Variants in USP4 observed in about 807,000 individuals in gnomAD.
The protein encoded by USP4 is ubiquitin specific peptidase 4, also known as ubiquitin carboxyl-terminal hydrolase 4.
USP4 carries 72 observed loss-of-function variants against 118.2 expected under a neutral mutation model. The observed-to-expected ratio is 0.61, with a 90% CI of 0.50 to 0.74. The LOEUF (loss-of-function observed/expected upper bound fraction) is 0.74. Ranked by LOEUF, USP4 falls within the 30% of genes least tolerant of loss-of-function variation. USP4 has a pLI of 0.00. For synonymous variants in USP4, 415 were observed against 440.4 expected (o/e 0.94, Z 0.72); for missense variants, 1,037 against 1,185.7 (o/e 0.87, Z 1.84).
intron 6 of USP4, among the ~76,000 whole-genome samples, chr3:49,320,532 G>C (rs1385964642): frequency 1.3e-5 from 2 of 152,112 alleles, no homozygotes; most frequent in Non-Finnish European, 2.9e-5. Flanking sequence ...CGGTAACTTC[G>C]AACTCCTGGG....
chr3:49,319,325 C>T (rs1040266415), intron 6 of USP4, among the ~76,000 whole-genome samples: 8 of 149,642 alleles, frequency 5.3e-5, no homozygotes, highest in South Asian at 2.1e-4. Flanking sequence ...CTCGGCTGAC[C>T]GCAACCTCCG....
chr3:49,308,965 G>A (rs1365359382), intron 8 of USP4, among the ~76,000 whole-genome samples: 1 of 150,692 alleles, frequency 6.6e-6, no homozygotes, highest in African/African-American at 2.4e-5. Flanking sequence ...CCAGGAGGTG[G>A]AGGTTGCAGT....
intron 19 of USP4, among the ~76,000 whole-genome samples, chr3:49,281,480 A>C (rs865786648): frequency 2.0e-4 from 19 of 95,348 alleles, no homozygotes; most frequent in African/African-American, 7.3e-4. Flanking sequence ...GTATGTGTAT[A>C]TATATATATA....
intron 2 of USP4, among the ~76,000 whole-genome samples, chr3:49,332,088 C>T (rs775696895): frequency 4.6e-5 from 7 of 151,734 alleles, no homozygotes; most frequent in South Asian, 2.1e-4. Flanking sequence ...GGCTGGCCAA[C>T]GTGCTGAAAT....
At chr3:49,332,012 C>T (rs1308952527) in intron 2 of USP4, among the ~76,000 whole-genome samples, 4 of 151,760 alleles carry the variant, frequency 2.6e-5, no homozygotes, top group Non-Finnish European at 5.9e-5. Context: ...GTGGCTCACA[C>T]CTGTAATTCC....
intron 9 of USP4, among the ~76,000 whole-genome samples, 154 bp downstream of exon 9, chr3:49,305,561 A>G (rs2047305500): frequency 6.6e-6 from 1 of 152,002 alleles, no homozygotes; most frequent in South Asian, 2.1e-4. Context: ...GCTCACTGAA[A>G]CATTTTAGAT....
chr3:49,278,262 G>T lies in USP4; in HGVS notation c.*31C>A. ...TGTTCTCCTGGGGGATTACACTGGCGCTACAGGGTGGCAGGATCGTGGAGT... is the reference window on the plus strand; with the variant it reads ...TGTTCTCCTGGGGGATTACACTGGCTCTACAGGGTGGCAGGATCGTGGAGT... On this transcript the variant is annotated 3_prime_UTR_variant, in exon 22 of 22. Coordinates refer to ENST00000265560, the MANE Select transcript of USP4 (RefSeq NM_003363.4). The T allele has an allele frequency of 6.2e-7, 1 of 1,606,152 alleles. No homozygotes were observed. The highest frequency in any genetic ancestry group is 8.5e-7 in the Non-Finnish European group (1 of 1,176,942).
chr3:49,303,365 CA>C (rs1378136409), intron 9 of USP4, among the ~76,000 whole-genome samples: 4 of 147,576 alleles, frequency 2.7e-5, no homozygotes, highest in Non-Finnish European at 5.9e-5. Context: ...CACTTGAACC[CA>C]GGAGGCGGAG....
intron 6 of USP4, among the ~76,000 whole-genome samples, chr3:49,320,611 G>T (rs960318254): frequency 2.0e-5 from 3 of 152,132 alleles, no homozygotes; most frequent in Non-Finnish European, 4.4e-5. Context: ...TGTATCCCTG[G>T]TGTGGTTTGT....
intron 19 of USP4, among the ~76,000 whole-genome samples, chr3:49,282,433 C>T (rs1231563035): frequency 6.6e-6 from 1 of 151,402 alleles, no homozygotes; most frequent in East Asian, 2.0e-4. Context: ...CGCCACCATG[C>T]CTAGCTAATT....
At chr3:49,311,412 C>T in intron 7 of USP4, 102 bp downstream of exon 7, 3 of 1,333,446 alleles carry the variant, frequency 2.2e-6, no homozygotes, top group South Asian at 1.3e-5. Flanking sequence ...CCATGAGGAA[C>T]TCTAACCCCA....
At chr3:49,300,982 T>C (rs2047257619) in intron 10 of USP4, among the ~76,000 whole-genome samples, 1 of 152,204 alleles carries the variant, frequency 6.6e-6, no homozygotes, top group Non-Finnish European at 1.5e-5. Flanking sequence ...ATGGTCTTGC[T>C]CTGTCGCTCA....
At chr3:49,332,775 A>C (rs2047631431) in intron 2 of USP4, among the ~76,000 whole-genome samples, 1 of 152,044 alleles carries the variant, frequency 6.6e-6, no homozygotes, top group South Asian at 2.1e-4. Context: ...CACACCTGTA[A>C]TCCCAGCACT....
intron 15 of USP4, among the ~76,000 whole-genome samples, chr3:49,289,669 G>C (rs941159669): frequency 6.6e-6 from 1 of 151,936 alleles, no homozygotes; most frequent in African/African-American, 2.4e-5. Context: ...TCAGGAATTC[G>C]AGACCAGCCT....
At chr3:49,304,155 T>C (rs1306378105) in intron 9 of USP4, among the ~76,000 whole-genome samples, 1 of 152,232 alleles carries the variant, frequency 6.6e-6, no homozygotes, top group East Asian at 1.9e-4. Flanking sequence ...TAATTAGTTT[T>C]CAATTTCAAC....
chr3:49,300,120 G>T (rs556442129), intron 11 of USP4, among the ~76,000 whole-genome samples: 5 of 152,140 alleles, frequency 3.3e-5, no homozygotes, highest in African/African-American at 1.2e-4. Flanking sequence ...GGTGGTACAC[G>T]CCTGTAATCC....
intron 12 of USP4, 149 bp from the exon 13 acceptor site, chr3:49,298,113 A>C: frequency 1.6e-6 from 1 of 625,440 alleles, no homozygotes; most frequent in Admixed American, 2.8e-5. Context: ...CAGAGAGCTG[A>C]GGGCCAAGGC....
chr3:49,284,828 C>T (rs928247062), intron 17 of USP4, 21 bp downstream of exon 17: 3 of 1,612,178 alleles, frequency 1.9e-6, no homozygotes, highest in Non-Finnish European at 2.5e-6. Flanking sequence ...CACCACCGAC[C>T]ACGAACCCCG....
At chr3:49,317,598 G>C in intron 6 of USP4, 1 of 591,386 alleles carries the variant, frequency 1.7e-6, no homozygotes. Flanking sequence ...CTGGAGTGCA[G>C]TGGCGTGATA....
Sources: allele counts gnomAD v4.1 joint callset (sites outside exome capture counted in the v4.1 genomes callset), GRCh38; gene constraint gnomAD v4.1.1; transcripts MANE v1.5; gene names NCBI Gene and HGNC (gene_info 2026-07-23, HGNC 2026-07-21).